Variants in ZNF804A observed in about 807,000 individuals in gnomAD.
ZNF804A encodes the protein zinc finger protein 804A.
A neutral mutation model predicts 16.5 loss-of-function variants in ZNF804A; 2 were observed. The observed-to-expected ratio is 0.12, with a 90% CI of 0.05 to 0.38. The LOEUF (loss-of-function observed/expected upper bound fraction) is 0.38, where lower values mean the gene tolerates loss of function less well. Ranked by LOEUF, ZNF804A falls within the 10% of genes least tolerant of loss-of-function variation. The pLI, the probability that ZNF804A is intolerant of heterozygous loss-of-function variation, is 0.99. For missense variants in ZNF804A, 1,473 were observed against 1,390.7 expected, an observed-to-expected ratio of 1.06 and a Z score of -0.94; for synonymous variants, 534 against 489.6, an observed-to-expected ratio of 1.09 and a Z score of -1.20.
chr2:184,847,275 T>A (rs1371389277), intron 1 of ZNF804A, among the ~76,000 whole-genome samples: 1 of 151,360 alleles, frequency 6.6e-6, no homozygotes, highest in East Asian at 2.0e-4. Context: ...TGCATTTCTG[T>A]GGAATCTTTT....
At chr2:184,782,936 C>A (rs919663743) in intron 1 of ZNF804A, among the ~76,000 whole-genome samples, 1 of 150,468 alleles carries the variant, frequency 6.6e-6, no homozygotes, top group African/African-American at 2.4e-5. Context: ...TTTCAAACTT[C>A]TTCAGCAGCA....
intron 1 of ZNF804A, among the ~76,000 whole-genome samples, chr2:184,668,119 G>C (rs1692279470): frequency 6.6e-6 from 1 of 151,338 alleles, no homozygotes; most frequent in Admixed American, 6.6e-5. Context: ...ACAACTCAAA[G>C]GACATATTAT....
rs141730112 is a variant in ZNF804A at position 184,615,766 on chromosome 2, A to T, written c.111+16696A>T. On this transcript the variant is annotated intron_variant, in intron 1 of 3. Transcript: ENST00000302277. ...GGCAAGTTAAGTTTAGCCACCTGATACAAGAAGGGACATTCAGAGGTAGGA... is the reference window on the plus strand; with the variant it reads ...GGCAAGTTAAGTTTAGCCACCTGATTCAAGAAGGGACATTCAGAGGTAGGA... Among the ~76,000 whole-genome samples, 267 of 152,278 alleles carry T rather than the reference A, an allele frequency of 1.8e-3. 3 individuals carry two copies. The East Asian group carries it at 0.023, about 13-fold the overall frequency.
At chr2:184,693,078 A>G (rs947656679) in intron 1 of ZNF804A, among the ~76,000 whole-genome samples, 18 of 152,160 alleles carry the variant, frequency 1.2e-4, no homozygotes, top group Non-Finnish European at 2.5e-4. Context: ...ATAAAATTAA[A>G]GAAGGAAGTG....
At chr2:184,866,778 C>T (rs75640567) in intron 2 of ZNF804A, among the ~76,000 whole-genome samples, 9 of 148,886 alleles carry the variant, frequency 6.0e-5, no homozygotes, top group East Asian at 5.9e-4. Flanking sequence ...AAAAGTGTTT[C>T]GAAAACAATA....
chr2:184,856,951 T>G (rs1192778525), intron 1 of ZNF804A, among the ~76,000 whole-genome samples: 1 of 152,142 alleles, frequency 6.6e-6, no homozygotes, highest in Non-Finnish European at 1.5e-5. Flanking sequence ...GTATGTTTAT[T>G]GTTTTTCTAG....
At chr2:184,680,362 G>A (rs1322040970) in intron 1 of ZNF804A, among the ~76,000 whole-genome samples, 1 of 152,062 alleles carries the variant, frequency 6.6e-6, no homozygotes, top group Non-Finnish European at 1.5e-5. Flanking sequence ...ATGTCGGGAG[G>A]TCTTGCCTGT....
chr2:184,859,095 C>A (rs1225767610), intron 1 of ZNF804A, among the ~76,000 whole-genome samples: 1 of 151,990 alleles, frequency 6.6e-6, no homozygotes, highest in Non-Finnish European at 1.5e-5. Context: ...TTCTCTTTGT[C>A]TTTAATTTTT....
intron 1 of ZNF804A, among the ~76,000 whole-genome samples, chr2:184,730,197 C>T (rs1023391556): frequency 2.5e-4 from 38 of 152,080 alleles, no homozygotes; most frequent in African/African-American, 9.2e-4. Flanking sequence ...TTTTCTTTAA[C>T]TTGGTTACCA....
In ZNF804A at chr2:184,936,291, G is replaced by A. The variant is rs762197994; in HGVS notation, c.895G>A (p.Val299Ile). Residue 299 changes from valine to isoleucine, a missense_variant, in exon 4 of 4, where the codon GTC becomes ATC. Physicochemically the swap from Val to Ile is conservative, Grantham distance 29. Transcript: ENST00000302277. ...TGTTCAAACTCAAGAGATAAAAGAA[G>A]TCTCTAGTGAAAAAGATGCATTATT... ...ETVQTQEIKE[V>I]SSEKDALLLP... is the part of the protein sequence containing the mutation. 1.9e-6 allele frequency: 3 copies of A among 1,613,762 alleles called. No individual in the cohort carries two copies. Among genetic ancestry groups the A allele is most frequent in the Non-Finnish European group, 2.5e-6 (3 of 1,179,938 alleles).
At position 184,897,830 on chromosome 2, in the gene ZNF804A, A is replaced by G. The variant is rs549802823; in HGVS notation, c.255+31318A>G. On this transcript the variant is annotated intron_variant, in intron 2 of 3. Transcript: ENST00000302277. Reference sequence around the variant, plus strand: ...TTTCTTTGTTTCTTTATTTGTTTTTAGAAGTTCCTTTCTTTAGGACGCTAG... The same window carrying G: ...TTTCTTTGTTTCTTTATTTGTTTTTGGAAGTTCCTTTCTTTAGGACGCTAG... 1.1e-4 allele frequency among the ~76,000 whole-genome samples: 17 copies of G among 152,096 alleles called. 1 individual carries two copies. In the South Asian group the frequency reaches 3.5e-3, roughly 32 times the overall value.
intron 1 of ZNF804A, among the ~76,000 whole-genome samples, chr2:184,858,013 T>C (rs1695730164): frequency 1.3e-5 from 2 of 152,146 alleles, no homozygotes; most frequent in East Asian, 1.9e-4. Context: ...TTTCTGGTTA[T>C]TTTGTAGATC....
chr2:184,783,787 G>A (rs1267224118), intron 1 of ZNF804A, among the ~76,000 whole-genome samples: 1 of 151,902 alleles, frequency 6.6e-6, no homozygotes, highest in Admixed American at 6.6e-5. Context: ...TGCTCCACTT[G>A]TAGCTCATTA....
intron 2 of ZNF804A, among the ~76,000 whole-genome samples, chr2:184,869,435 A>G (rs946540301): frequency 4.6e-5 from 7 of 152,150 alleles, no homozygotes; most frequent in Admixed American, 1.3e-4. Flanking sequence ...GGATTTATTA[A>G]TGGAATGAGT....
At chr2:184,728,269 A>G (rs556261648) in intron 1 of ZNF804A, among the ~76,000 whole-genome samples, 3 of 151,932 alleles carry the variant, frequency 2.0e-5, no homozygotes, top group Admixed American at 2.0e-4. Context: ...TATTAATAAC[A>G]TTTTAGAGAC....
intron 2 of ZNF804A, among the ~76,000 whole-genome samples, chr2:184,931,757 G>A (rs1014370528): frequency 6.6e-6 from 1 of 152,082 alleles, no homozygotes; most frequent in African/African-American, 2.4e-5. Flanking sequence ...TCAGAAAATG[G>A]GTTTTTCTTT....
In ZNF804A at chr2:184,939,053, T is replaced by G. The variant is rs1685852758; in HGVS notation, c.*27T>G. The G allele has an allele frequency of 1.2e-6, 2 of 1,603,454 alleles. No individual in the cohort carries two copies. The highest frequency in any genetic ancestry group is 2.2e-5 in the South Asian group (2 of 90,188). ...CATCACCATAATGGGAAAAAAATAC[T>G]CTTGTGAAAACTATTGCTATATGCG... On this transcript the variant is annotated 3_prime_UTR_variant, in exon 4 of 4. Coordinates refer to ENST00000302277, the MANE Select transcript of ZNF804A (RefSeq NM_194250.2).
At chr2:184,855,613 TATACAC>T (rs1463342490) in intron 1 of ZNF804A, among the ~76,000 whole-genome samples, 60 of 124,238 alleles carry the variant, frequency 4.8e-4, no homozygotes, top group African/African-American at 1.3e-3. Flanking sequence ...TATATATATA[TATACAC>T]ACACACACAC....
At chr2:184,821,003 A>G (rs1224251936) in intron 1 of ZNF804A, among the ~76,000 whole-genome samples, 7 of 152,156 alleles carry the variant, frequency 4.6e-5, no homozygotes, top group Admixed American at 4.6e-4. Flanking sequence ...AAAGTAACTT[A>G]TAGATTAAAT....
Sources: gnomAD v4.1 joint callset for allele counts (sites outside exome capture counted in the v4.1 genomes callset) on GRCh38, gnomAD v4.1.1 for gene constraint, MANE v1.5 for transcripts, NCBI Gene and HGNC (gene_info 2026-07-23, HGNC 2026-07-21) for gene names.